The following ANXA6 variants were observed in gnomAD, a reference collection of about 807,000 sequenced individuals.
The protein encoded by ANXA6 is annexin A6, also known as 67 kDa calelectrin.
ANXA6 carries 71 observed loss-of-function variants against 95.4 expected under a neutral mutation model. That is an observed-to-expected ratio of 0.74 (90% CI 0.61 to 0.91). The LOEUF (loss-of-function observed/expected upper bound fraction) is 0.91, where lower values mean the gene tolerates loss of function less well. ANXA6 is among the 40% of genes least tolerant of loss of function. The pLI is 0.00. For missense variants in ANXA6, 830 were observed against 876.4 expected, an observed-to-expected ratio of 0.95 and a Z score of 0.67; for synonymous variants, 289 against 315.9, an observed-to-expected ratio of 0.91 and a Z score of 0.90.
At position 151,117,068 on chromosome 5, in the gene ANXA6, C is replaced by G. The variant is rs1052652195; in HGVS notation, c.1572+59G>C. The G allele has an allele frequency of 7.4e-6, 11 of 1,484,872 alleles. No homozygotes were observed. In the African/African-American group the frequency reaches 1.3e-4, roughly 17 times the overall value. 92.0% of individuals were successfully genotyped at this position (1,484,872 alleles called of 1,614,324 possible). Reference sequence around the variant, plus strand: ...AGGGCCCGGCGTAGACACGCATAAGCTGGACCTACATCTCAGGGACACCCG... The same window carrying G: ...AGGGCCCGGCGTAGACACGCATAAGGTGGACCTACATCTCAGGGACACCCG... On this transcript the variant is annotated intron_variant, in intron 20 of 25. Coordinates refer to ENST00000354546, the MANE Select transcript of ANXA6 (RefSeq NM_001155.5).
At chr5:151,122,711 G>A (rs1293863497) in intron 16 of ANXA6, among the ~76,000 whole-genome samples, 6 of 152,208 alleles carry the variant, frequency 3.9e-5, no homozygotes, top group Non-Finnish European at 8.8e-5. Flanking sequence ...TCACACAAGT[G>A]TTGCCCATCA....
chr5:151,137,215 C>CA lies in ANXA6; in HGVS notation c.409+15_409+16insT, dbSNP rs1477757223. The stretch of plus-strand genomic sequence containing the variant: ...TGTATCTGAAGATCCTAAGCGGCCC[C>CA]TCCTGCCCATCTCACCATCTTTGTA... On this transcript the variant is annotated intron_variant, in intron 6 of 25. Transcript: ENST00000354546. 15 of 1,611,740 alleles carry CA rather than the reference C, an allele frequency of 9.3e-6. No homozygotes were observed. Among genetic ancestry groups the CA allele is most frequent in the African/African-American group, 1.3e-5 (1 of 74,890 alleles).
intron 7 of ANXA6, among the ~76,000 whole-genome samples, chr5:151,134,810 C>T (rs557136177): frequency 6.6e-6 from 1 of 152,300 alleles, no homozygotes; most frequent in Admixed American, 6.5e-5. Flanking sequence ...CCCAGGTTCT[C>T]GAGGGTCCCT....
intron 4 of ANXA6, 154 bp from the exon 5 acceptor site, chr5:151,138,945 C>A: frequency 6.3e-6 from 4 of 635,364 alleles, no homozygotes; most frequent in Non-Finnish European, 1.1e-5. Context: ...GTTACCAACC[C>A]TAAGAGACAG....
chr5:151,140,126 C>T, intron 3 of ANXA6, 27 bp downstream of exon 3: 1 of 1,610,480 alleles, frequency 6.2e-7, no homozygotes, highest in Non-Finnish European at 8.5e-7. Flanking sequence ...GGATACCCCT[C>T]AAGCTCCCAT....
chr5:151,109,840 C>A lies in ANXA6; in HGVS notation c.1597G>T (p.Ala533Ser). 6.2e-7 allele frequency: 1 copy of A among 1,602,626 alleles called. No homozygotes were observed. Among genetic ancestry groups the A allele is most frequent in the Non-Finnish European group, 8.5e-7 (1 of 1,173,682 alleles). Residue 533 changes from alanine to serine, a missense_variant, in exon 22 of 26, where the codon GCA becomes TCA. Ala to Ser is a moderately conservative substitution (Grantham distance 99). Transcript: ENST00000354546. ...AQVAAEILEI[A>S]DTPSGDKTSL... ...GTTTTGTCTCCACTAGGTGTGTCTG[C>A]TATTTCCTGCAGAGCCCCAGTTGGA...
chr5:151,117,873 C>T, intron 18 of ANXA6, 36 bp from the exon 19 acceptor site: 5 of 1,577,466 alleles, frequency 3.2e-6, no homozygotes, highest in Non-Finnish European at 3.5e-6. Context: ...TAGCTGCTGG[C>T]CAAGAAGGAT....
At chr5:151,155,874 G>T (rs113669013) in intron 1 of ANXA6, among the ~76,000 whole-genome samples, 15 of 152,308 alleles carry the variant, frequency 9.8e-5, no homozygotes, top group African/African-American at 3.6e-4. Context: ...TGGGTCCGAG[G>T]CTGGATCCTG....
chr5:151,140,123 C>T, intron 3 of ANXA6, 30 bp downstream of exon 3: 4 of 1,607,248 alleles, frequency 2.5e-6, no homozygotes, highest in Non-Finnish European at 3.4e-6. Context: ...GGGGGATACC[C>T]CTCAAGCTCC....
At chr5:151,125,021 C>T (rs1164289090) in intron 14 of ANXA6, among the ~76,000 whole-genome samples, 2 of 152,186 alleles carry the variant, frequency 1.3e-5, no homozygotes, top group Admixed American at 6.5e-5. Flanking sequence ...GTGCCTACAA[C>T]AGTGTCTGAC....
chr5:151,114,518 G>T (rs1229160718), intron 20 of ANXA6, among the ~76,000 whole-genome samples: 1 of 149,268 alleles, frequency 6.7e-6, no homozygotes, highest in Non-Finnish European at 1.5e-5. Flanking sequence ...GGAGTCTGAG[G>T]CAGGAGAATT....
At chr5:151,109,969 C>T in intron 21 of ANXA6, 123 bp from the exon 22 acceptor site, 1 of 716,698 alleles carries the variant, frequency 1.4e-6, no homozygotes, top group Non-Finnish European at 2.4e-6. Context: ...CCCAGCCATC[C>T]AAGGGGGCCG....
intron 1 of ANXA6, among the ~76,000 whole-genome samples, chr5:151,151,714 C>G (rs1766110897): frequency 6.6e-6 from 1 of 152,078 alleles, no homozygotes; most frequent in African/African-American, 2.4e-5. Flanking sequence ...AATATCAGTC[C>G]TAGGAGGGTC....
intron 21 of ANXA6, 68 bp downstream of exon 21, chr5:151,110,559 G>C (rs146331838): frequency 6.4e-7 from 1 of 1,554,948 alleles, no homozygotes; most frequent in Non-Finnish European, 8.8e-7. Flanking sequence ...ATACTGCCCC[G>C]CTCGGCCCAG....
chr5:151,153,299 G>A (rs1766152509), intron 1 of ANXA6, among the ~76,000 whole-genome samples: 1 of 152,202 alleles, frequency 6.6e-6, no homozygotes, highest in African/African-American at 2.4e-5. Flanking sequence ...AACTACCAAA[G>A]ATTTAAGGTC....
At chr5:151,115,938 C>G (rs1001289885) in intron 20 of ANXA6, among the ~76,000 whole-genome samples, 3 of 152,292 alleles carry the variant, frequency 2.0e-5, no homozygotes, top group Admixed American at 2.0e-4. Flanking sequence ...ATCAGGCAAG[C>G]CTGAGTTCAA....
At chr5:151,119,507 C>T in intron 17 of ANXA6, 117 bp from the exon 18 acceptor site, 6 of 841,592 alleles carry the variant, frequency 7.1e-6, no homozygotes, top group Non-Finnish European at 1.2e-5. Context: ...TCCTCACCTC[C>T]AGACATGGCC....
chr5:151,106,002 G>C (rs1465581436), intron 23 of ANXA6, among the ~76,000 whole-genome samples: 5 of 152,146 alleles, frequency 3.3e-5, no homozygotes, highest in Non-Finnish European at 5.9e-5. Flanking sequence ...ACCCTACTCT[G>C]GTGCAGCCTA....
In ANXA6 at chr5:151,139,409, G is replaced by A. The variant is rs758088547; in HGVS notation, c.148C>T (p.Arg50Trp). Residue 50 changes from arginine (R) to tryptophan (W), a missense_variant, in exon 4 of 26, where the codon CGG becomes TGG. Transcript: ENST00000354546. Reference sequence around the variant, plus strand: ...ACCTCCTGCCTCTGCCTGTTGCTCCGTGAGGTGATTATGTCCAGTATGGCC... The same window carrying A: ...ACCTCCTGCCTCTGCCTGTTGCTCCATGAGGTGATTATGTCCAGTATGGCC... ...KEAILDIITS[R>W]SNRQRQEVCQ... The A allele has an allele frequency of 1.3e-5, 21 of 1,613,560 alleles. No individual in the cohort carries two copies. The highest frequency in any genetic ancestry group is 5.5e-5 in the South Asian group (5 of 91,088).
Sources: allele counts gnomAD v4.1 joint callset (sites outside exome capture counted in the v4.1 genomes callset), GRCh38; gene constraint gnomAD v4.1.1; transcripts MANE v1.5; gene names NCBI Gene and HGNC (gene_info 2026-07-23, HGNC 2026-07-21).